The following UBE2K variants were observed in gnomAD, a reference collection of about 807,000 sequenced individuals.
UBE2K encodes the protein ubiquitin conjugating enzyme E2 K.
In UBE2K, 6 loss-of-function variants were observed where a neutral mutation model predicts 30.0. The observed-to-expected ratio is 0.20, with a 90% CI of 0.11 to 0.39. UBE2K has a LOEUF of 0.39. Among genes scored for constraint, UBE2K ranks in the 10% least tolerant of loss-of-function variants. UBE2K has a pLI of 1.00. For synonymous variants in UBE2K, 86 were observed against 83.7 expected, an observed-to-expected ratio of 1.03 and a Z score of -0.15; for missense variants, 61 against 241.6, an observed-to-expected ratio of 0.25 and a Z score of 4.96.
chr4:39,745,856 A>G (rs376896919), intron 3 of UBE2K, 46 bp downstream of exon 3: 44 of 1,362,450 alleles, frequency 3.2e-5, no homozygotes, highest in Non-Finnish European at 4.1e-5. Flanking sequence ...AATATTTTAT[A>G]TTTCTGACCT....
intron 4 of UBE2K, among the ~76,000 whole-genome samples, chr4:39,768,948 T>C (rs305123): frequency 0.82 from 125,082 of 152,066 alleles, 51,852 homozygotes; most frequent in East Asian, 0.92. Context: ...ACCTCAGCCT[T>C]CCAAATAGCT....
At chr4:39,771,607 G>A (rs1395170522) in intron 4 of UBE2K, among the ~76,000 whole-genome samples, 1 of 152,180 alleles carries the variant, frequency 6.6e-6, no homozygotes, top group African/African-American at 2.4e-5. Context: ...TGGCGGGGCC[G>A]GCTCCACGTG....
At chr4:39,750,280 C>T (rs1442362869) in intron 3 of UBE2K, among the ~76,000 whole-genome samples, 1 of 152,226 alleles carries the variant, frequency 6.6e-6, no homozygotes, top group Non-Finnish European at 1.5e-5. Context: ...GAAATATGAA[C>T]TCACATCTAC....
At chr4:39,739,491 C>T (rs1264882951) in intron 2 of UBE2K, among the ~76,000 whole-genome samples, 19 of 129,320 alleles carry the variant, frequency 1.5e-4, no homozygotes, top group Non-Finnish European at 1.9e-4. Flanking sequence ...CTGTCTCTCA[C>T]GCTGGAGTGC....
chr4:39,728,818 GTTTTTTTTGT>G (rs766349012), intron 1 of UBE2K, among the ~76,000 whole-genome samples: 1 of 129,908 alleles, frequency 7.7e-6, no homozygotes, highest in Non-Finnish European at 1.8e-5. Context: ...GGTTTTTTTT[GTTTTTTTTGT>G]TTTTTTTTTT....
chr4:39,721,698 C>A (rs531281261), intron 1 of UBE2K, among the ~76,000 whole-genome samples: 1 of 152,036 alleles, frequency 6.6e-6, no homozygotes, highest in East Asian at 1.9e-4. Flanking sequence ...AGAGAAAAGT[C>A]GAAAGGACAG....
At chr4:39,772,598 T>C (rs114411834) in intron 4 of UBE2K, among the ~76,000 whole-genome samples, 1,641 of 151,930 alleles carry the variant, frequency 0.011, 33 homozygotes, top group African/African-American at 0.037. Flanking sequence ...AAGAATGATC[T>C]AATTTACATG....
intron 1 of UBE2K, among the ~76,000 whole-genome samples, chr4:39,735,731 A>G (rs933441785): frequency 4.6e-5 from 7 of 152,134 alleles, no homozygotes; most frequent in African/African-American, 1.7e-4. Context: ...CTCTACCACA[A>G]ATACCAAAGT....
intron 1 of UBE2K, among the ~76,000 whole-genome samples, chr4:39,724,966 C>T (rs1051442171): frequency 5.9e-5 from 9 of 152,088 alleles, no homozygotes; most frequent in African/African-American, 2.2e-4. Context: ...TCTTGGGGTT[C>T]CTTAGAGACT....
At chr4:39,770,689 G>T in intron 4 of UBE2K, 2 of 1,573,952 alleles carry the variant, frequency 1.3e-6, no homozygotes, top group Non-Finnish European at 1.7e-6. Context: ...GTGCTGGGGG[G>T]CACGCTGCTC....
chr4:39,775,390 A>G (rs1265030927), intron 5 of UBE2K, among the ~76,000 whole-genome samples: 1 of 152,252 alleles, frequency 6.6e-6, no homozygotes, highest in African/African-American at 2.4e-5. Context: ...CTTTCTAGCT[A>G]CAGTGGCTGA....
At chr4:39,736,732 A>T (rs548276095) in intron 1 of UBE2K, among the ~76,000 whole-genome samples, 2 of 152,236 alleles carry the variant, frequency 1.3e-5, no homozygotes, top group African/African-American at 4.8e-5. Flanking sequence ...AAATAAGTCA[A>T]TGTAGATAAA....
chr4:39,698,313 G>C lies in UBE2K; in HGVS notation c.-15G>C, dbSNP rs1430852008. Reference sequence around the variant, plus strand: ...TGGCGGAGGAGGCGGGTACGAATCAGCTGCGGGCGGAGACATGGCCAACAT... The same window carrying C: ...TGGCGGAGGAGGCGGGTACGAATCACCTGCGGGCGGAGACATGGCCAACAT... On this transcript the variant is annotated 5_prime_UTR_variant, in exon 1 of 7. Transcript: ENST00000261427. The C allele has an allele frequency of 1.2e-6, 2 of 1,609,396 alleles. No homozygotes were observed. The highest frequency in any genetic ancestry group is 2.7e-5 in the African/African-American group (2 of 74,910).
chr4:39,712,273 C>T (rs539387702), intron 1 of UBE2K, among the ~76,000 whole-genome samples: 77 of 140,184 alleles, frequency 5.5e-4, no homozygotes, highest in African/African-American at 2.0e-3. Flanking sequence ...AAGATCTCAG[C>T]TCACTGCAAG....
chr4:39,757,174 C>T (rs1239971723), intron 4 of UBE2K, among the ~76,000 whole-genome samples: 7 of 151,754 alleles, frequency 4.6e-5, no homozygotes, highest in Non-Finnish European at 8.8e-5. Flanking sequence ...TACAGGCGTG[C>T]GCCATCATGC....
At chr4:39,770,765 AG>A in intron 4 of UBE2K, 2 of 1,582,966 alleles carry the variant, frequency 1.3e-6, no homozygotes, top group Admixed American at 1.8e-5. Context: ...CCAGGCCTCC[AG>A]GGGGCTTGAG....
intron 1 of UBE2K, among the ~76,000 whole-genome samples, chr4:39,713,242 A>G (rs1373007927): frequency 6.7e-6 from 1 of 148,664 alleles, no homozygotes; most frequent in Non-Finnish European, 1.5e-5. Context: ...CATCTCAAAA[A>G]AGAAAATTAG....
At chr4:39,737,239 T>C (rs1192518409) in intron 1 of UBE2K, among the ~76,000 whole-genome samples, 181 bp from the exon 2 acceptor site, 2 of 152,198 alleles carry the variant, frequency 1.3e-5, no homozygotes, top group African/African-American at 4.8e-5. Context: ...AGTTAGAATT[T>C]ATTAGTTTGT....
intron 2 of UBE2K, among the ~76,000 whole-genome samples, chr4:39,740,258 A>G (rs1275145806): frequency 6.6e-6 from 1 of 152,044 alleles, no homozygotes; most frequent in Non-Finnish European, 1.5e-5. Flanking sequence ...CAAAGTTTTA[A>G]ATTTTTTCAT....
Sources: gnomAD v4.1 joint callset for allele counts (sites outside exome capture counted in the v4.1 genomes callset) on GRCh38, gnomAD v4.1.1 for gene constraint, MANE v1.5 for transcripts, NCBI Gene and HGNC (gene_info 2026-07-23, HGNC 2026-07-21) for gene names.